Variants in PRR14L observed in about 807,000 individuals in gnomAD.
PRR14L encodes protein PRR14L.
Under a neutral mutation model 155.0 loss-of-function variants are expected in PRR14L, and 80 were observed. The ratio of observed to expected loss-of-function variants is 0.52; its 90% CI spans 0.43 to 0.62. PRR14L has a LOEUF of 0.62. Among genes scored for constraint, PRR14L ranks in the 20% least tolerant of loss-of-function variants. PRR14L has a pLI of 0.00. For missense variants in PRR14L, 2,469 were observed against 2,548.0 expected (o/e 0.97, Z 0.67); for synonymous variants, 883 against 916.0 (o/e 0.96, Z 0.65).
intron 2 of PRR14L, among the ~76,000 whole-genome samples, chr22:31,734,477 A>C (rs1390254357): frequency 1.3e-5 from 2 of 152,178 alleles, no homozygotes; most frequent in Non-Finnish European, 2.9e-5. Context: ...GGGTTTGCAA[A>C]TCTGAAATGG....
chr22:31,738,658 T>C lies in PRR14L; in HGVS notation c.203A>G (p.Gln68Arg). The C allele has an allele frequency of 6.4e-7, 1 of 1,552,130 alleles. No individual in the cohort carries two copies. ...SQNRALPLEL[Q>R]RTHVESCCEE... The stretch of plus-strand genomic sequence containing the variant: ...ACAACAACTCTCCACATGAGTCCTC[T>C]GCAGCTCCAAGGGCAATGCCCTATT... The change falls in exon 2 of 9, where the codon CAG (glutamine) becomes CGG (arginine). Residue 68 changes from glutamine to arginine, a missense_variant. Transcript: ENST00000327423.
Position 31,716,020 on chromosome 22 carries a change from G to A in PRR14L, c.1819C>T (p.Pro607Ser), listed in dbSNP as rs1279417313. 3.5e-5 allele frequency: 54 copies of A among 1,550,528 alleles called. No individual in the cohort carries two copies. The highest frequency in any genetic ancestry group is 2.0e-5 in the Admixed American group (1 of 50,960). ...LLPSPEFDYR[P>S]ESEKVIQTSH... ...GTCTGTATAACTTTTTCTGACTCAGGTCTGTAATCAAATTCTGGGGATGGT... is the reference window on the plus strand; with the variant it reads ...GTCTGTATAACTTTTTCTGACTCAGATCTGTAATCAAATTCTGGGGATGGT... The change falls in exon 4 of 9, where the codon CCT becomes TCT. Residue 607 changes from proline to serine, a missense_variant. Pro to Ser is a moderately conservative substitution (Grantham distance 74, BLOSUM62 -1). Transcript: ENST00000327423.
Position 31,715,728 on chromosome 22 carries a change from A to C in PRR14L, c.2111T>G (p.Ile704Arg). ...LEGRADVIAD[I>R]QTIPIQTKIK... ...TTTTGTCTGAATGGGAATGGTTTGT[A>C]TATCAGCAATGACATCTGCTCTACC... The change falls in exon 4 of 9, where the codon ATA (isoleucine) becomes AGA (arginine). Residue 704 changes from isoleucine (I) to arginine (R), a missense_variant. Ile to Arg is a moderately conservative substitution (Grantham distance 97). Transcript: ENST00000327423. The C allele has an allele frequency of 1.3e-6, 2 of 1,552,252 alleles. No homozygotes were observed. Among genetic ancestry groups the C allele is most frequent in the Non-Finnish European group, 1.7e-6 (2 of 1,147,086 alleles).
intron 6 of PRR14L, 116 bp downstream of exon 6, chr22:31,703,434 T>C (rs918530142): frequency 5.1e-6 from 5 of 984,748 alleles, no homozygotes; most frequent in Admixed American, 2.3e-5. Context: ...CGGCTGACAC[T>C]GAAGGTGGTA....
rs2074628956 is a variant in PRR14L, at chr22:31,712,473, TG to T, written c.5365del (p.His1789ThrfsTer20). On this transcript the variant is annotated frameshift_variant, in exon 4 of 9. Transcript: ENST00000327423. LOFTEE classifies it high-confidence loss of function. Reference sequence around the variant, plus strand: ...TGGAGGCTGGGGAGGAGCCTGAGTGTGGGTCTGACTATGGACGCCAGTGTCT... The same window carrying T: ...TGGAGGCTGGGGAGGAGCCTGAGTGTGGTCTGACTATGGACGCCAGTGTCT... The part of the protein sequence containing the change: ...REDTGVHSQT[H>X]TQAPPQPPAP... 1 of 1,553,074 alleles carries T rather than the reference TG, an allele frequency of 6.4e-7. No individual in the cohort carries two copies. The highest frequency in any genetic ancestry group is 8.7e-7 in the Non-Finnish European group (1 of 1,147,588).
At chr22:31,719,384 C>T (rs1601507633) in intron 3 of PRR14L, among the ~76,000 whole-genome samples, 1 of 151,704 alleles carries the variant, frequency 6.6e-6, no homozygotes, top group East Asian at 1.9e-4. Context: ...TGCACTCCAG[C>T]CTGGGTAACA....
intron 4 of PRR14L, among the ~76,000 whole-genome samples, chr22:31,706,193 T>C (rs943890405): frequency 6.6e-6 from 1 of 151,330 alleles, no homozygotes; most frequent in Non-Finnish European, 1.5e-5. Flanking sequence ...TAGCTAGGCA[T>C]GATGGCACAT....
intron 7 of PRR14L, among the ~76,000 whole-genome samples, chr22:31,699,426 A>T (rs1401246151): frequency 6.6e-6 from 1 of 152,222 alleles, no homozygotes; most frequent in African/African-American, 2.4e-5. Flanking sequence ...ATGCTCCAAC[A>T]TCTGAAACTT....
intron 1 of PRR14L, among the ~76,000 whole-genome samples, chr22:31,745,909 T>C (rs1237003176): frequency 1.3e-5 from 2 of 149,918 alleles, no homozygotes; most frequent in East Asian, 1.9e-4. Flanking sequence ...CCTTGGACAA[T>C]AGGATCACCA....
intron 5 of PRR14L, 76 bp from the exon 6 acceptor site, chr22:31,703,797 A>AT (rs879065402): frequency 0.17 from 113,899 of 653,160 alleles, 968 homozygotes; most frequent in South Asian, 0.23. Flanking sequence ...CTTCTTCTTC[A>AT]TTTTTTTTTT....
rs2074470910 is a variant in PRR14L, at chr22:31,684,333, A to C, written c.*1194T>G. 6.6e-6 allele frequency: 1 copy of C among 152,210 alleles called. No homozygotes were observed. The highest frequency in any genetic ancestry group is 1.5e-5 in the Non-Finnish European group (1 of 68,060). The allele number at this position is 152,210 out of a possible 1,614,324, so 9.4% of individuals were successfully genotyped here. A position where few individuals can be genotyped will look rare whatever the true frequency, so the allele number is the denominator to read the frequency against. ...ATTTTTGAGATCCCACTGCAGGAACACATCTCTGGGTCTGAAACATGACCC... is the reference window on the plus strand; with the variant it reads ...ATTTTTGAGATCCCACTGCAGGAACCCATCTCTGGGTCTGAAACATGACCC... On this transcript the variant is annotated 3_prime_UTR_variant, in exon 9 of 9. Transcript: ENST00000327423.
At position 31,741,045 on chromosome 22, in the gene PRR14L, A is replaced by C. The variant is rs138282; in HGVS notation, c.-51-2134T>G. On this transcript the variant is annotated intron_variant, in intron 1 of 8. Coordinates refer to ENST00000327423, the MANE Select transcript of PRR14L (RefSeq NM_173566.3). ...GAGAGGGGCGGATCACGAGGTCAGG[A>C]GATCAAGACCATCCTGGCTAACACG... 4.8e-3 allele frequency among the ~76,000 whole-genome samples: 732 copies of C among 151,930 alleles called. 5 individuals are homozygous for C. The highest frequency in any genetic ancestry group is 6.8e-3 in the Non-Finnish European group (463 of 67,934).
At chr22:31,731,279 G>A (rs1416431755) in intron 2 of PRR14L, among the ~76,000 whole-genome samples, 1 of 152,046 alleles carries the variant, frequency 6.6e-6, no homozygotes, top group Non-Finnish European at 1.5e-5. Flanking sequence ...AGAACCCCAT[G>A]TTAGGCTGGG....
chr22:31,714,783 G>A lies in PRR14L; in HGVS notation c.3056C>T (p.Ser1019Leu). The A allele has an allele frequency of 1.3e-6, 2 of 1,552,278 alleles. No homozygotes were observed. The highest frequency in any genetic ancestry group is 1.7e-6 in the Non-Finnish European group (2 of 1,147,114). The change falls in exon 4 of 9, where the codon TCA (serine) becomes TTA (leucine). Residue 1019 changes from serine (S) to leucine (L), a missense_variant. Around this residue, in one of 2 missense-constraint regions of PRR14L, gnomAD observed 2,363 missense variants for 2,371.6 expected, o/e 1.00. Transcript: ENST00000327423. ...NHNQKDLLVSSGSNNSLPCGS... is the reference protein window; with the variant it reads ...NHNQKDLLVSLGSNNSLPCGS... ...ACAAGGTAGTGAGTTATTACTGCCT[G>A]AGCTGACCAGCAGATCCTTTTGGTT...
intron 4 of PRR14L, among the ~76,000 whole-genome samples, chr22:31,709,822 C>T (rs150889285): frequency 0.015 from 2,281 of 151,150 alleles, 56 homozygotes; most frequent in African/African-American, 0.053. Context: ...ATTACAGGCA[C>T]GAGCCACGGT....
At chr22:31,727,693 G>GA (rs1239202403) in intron 2 of PRR14L, among the ~76,000 whole-genome samples, 9 of 152,068 alleles carry the variant, frequency 5.9e-5, no homozygotes, top group Non-Finnish European at 1.3e-4. Flanking sequence ...GAAATTGAAT[G>GA]AATCAGGGCC....
chr22:31,718,147 C>T (rs1259796186), intron 3 of PRR14L, among the ~76,000 whole-genome samples: 1 of 151,968 alleles, frequency 6.6e-6, no homozygotes, highest in East Asian at 1.9e-4. Context: ...AGGCTGGTCT[C>T]GAACTCCTGA....
At chr22:31,688,836 C>T (rs965396783) in intron 7 of PRR14L, among the ~76,000 whole-genome samples, 1 of 150,582 alleles carries the variant, frequency 6.6e-6, no homozygotes, top group Non-Finnish European at 1.5e-5. Flanking sequence ...TGCTCTGTTG[C>T]CTAGGAGTCT....
At chr22:31,730,138 T>TAAAAAAA (rs534900377) in intron 2 of PRR14L, among the ~76,000 whole-genome samples, 68 of 113,470 alleles carry the variant, frequency 6.0e-4, no homozygotes, top group African/African-American at 2.1e-3. Context: ...AGACTCAGTC[T>TAAAAAAA]AAAAAAAAAA....
Sources: gnomAD v4.1 joint callset for allele counts (sites outside exome capture counted in the v4.1 genomes callset) on GRCh38, gnomAD v4.1.1 for gene constraint, gnomAD v4.1.1 regional missense constraint, MANE v1.5 for transcripts, NCBI Gene and HGNC (gene_info 2026-07-23, HGNC 2026-07-21) for gene names.